HBP1: variants seen among roughly 807,000 people sequenced by gnomAD.
HBP1 encodes HMG box-containing protein 1.
A neutral mutation model predicts 62.6 loss-of-function variants in HBP1; 20 were observed. That is an observed-to-expected ratio of 0.32 (90% CI 0.22 to 0.46). HBP1 has a LOEUF of 0.46. HBP1 is among the 20% of genes least tolerant of loss of function. The pLI is 1.00. For missense variants in HBP1, 480 were observed against 611.8 expected (o/e 0.78, Z 2.27); for synonymous variants, 232 against 206.2 (o/e 1.12, Z -1.07).
chr7:107,180,145 G>A (rs1797043669), intron 2 of HBP1, 83 bp downstream of exon 2: 2 of 766,132 alleles, frequency 2.6e-6, no homozygotes, highest in Non-Finnish European at 4.3e-6. Flanking sequence ...CACCAACCTT[G>A]ACTGGCTAGA....
intron 10 of HBP1, chr7:107,200,656 A>C (rs567378181): frequency 6.2e-6 from 1 of 161,366 alleles, no homozygotes; most frequent in Admixed American, 6.4e-5. Context: ...TAATTTTGGG[A>C]TTGTCTCAAC....
chr7:107,187,564 A>G (rs1260694031), intron 6 of HBP1, among the ~76,000 whole-genome samples: 1 of 152,120 alleles, frequency 6.6e-6, no homozygotes, highest in Admixed American at 6.5e-5. Context: ...TGATCCTGCT[A>G]TGTCTCACTA....
At chr7:107,195,169 G>A (rs1337496883) in intron 8 of HBP1, among the ~76,000 whole-genome samples, 1 of 152,180 alleles carries the variant, frequency 6.6e-6, no homozygotes, top group Non-Finnish European at 1.5e-5. Flanking sequence ...TTACAGGCAT[G>A]TGCTGCCACG....
At chr7:107,171,248 T>G (rs969467696) in intron 1 of HBP1, among the ~76,000 whole-genome samples, 11 of 150,882 alleles carry the variant, frequency 7.3e-5, no homozygotes, top group Non-Finnish European at 1.3e-4. Flanking sequence ...TTTTTTGTAT[T>G]TTTAATAGAA....
chr7:107,174,636 CAG>C (rs1445667360), intron 1 of HBP1: 5 of 985,066 alleles, frequency 5.1e-6, no homozygotes, highest in Non-Finnish European at 6.0e-6. Flanking sequence ...GAAGACAAGA[CAG>C]ACTGCAGCTG....
chr7:107,181,117 G>A (rs1797082251), intron 2 of HBP1, among the ~76,000 whole-genome samples: 1 of 152,128 alleles, frequency 6.6e-6, no homozygotes, highest in Admixed American at 6.5e-5. Context: ...AGAACTCCTT[G>A]GCTCCTTCAT....
rs1451840042 is a variant in HBP1, at chr7:107,171,060, TATATA to T, written c.-16+1876_-16+1880del. Among the ~76,000 whole-genome samples the T allele has an allele frequency of 1.2e-4, 8 of 65,864 alleles. 1 individual carries two copies. The highest frequency in any genetic ancestry group is 1.1e-3 in the African/African-American group (7 of 6,552). 43.2% of individuals were successfully genotyped at this position (65,864 alleles called of 152,430 possible). On this transcript the variant is annotated intron_variant, in intron 1 of 10. Coordinates refer to ENST00000222574, the MANE Select transcript of HBP1 (RefSeq NM_012257.4). ...ATACATGTATAAATATATATATATA[TATATA>T]TATATATATTTTTTTTTTTTTTTGA... is the stretch of plus-strand genomic sequence containing the variant.
chr7:107,183,584 C>A (rs1401907426), intron 3 of HBP1, among the ~76,000 whole-genome samples: 1 of 151,440 alleles, frequency 6.6e-6, no homozygotes, highest in Non-Finnish European at 1.5e-5. Context: ...TCTTAATAGT[C>A]AAAAAGCTAA....
At chr7:107,183,401 T>G (rs1208264455) in intron 3 of HBP1, among the ~76,000 whole-genome samples, 1 of 152,216 alleles carries the variant, frequency 6.6e-6, no homozygotes, top group Non-Finnish European at 1.5e-5. Flanking sequence ...AAATCTCACT[T>G]TTCTTGTAAC....
At chr7:107,179,450 A>C (rs527791329) in intron 1 of HBP1, among the ~76,000 whole-genome samples, 3 of 152,202 alleles carry the variant, frequency 2.0e-5, no homozygotes, top group Admixed American at 2.0e-4. Flanking sequence ...TGAGGGAGCT[A>C]TAAATGGCAG....
At chr7:107,195,688 G>A (rs1797864589) in intron 8 of HBP1, 146 bp from the exon 9 acceptor site, 2 of 423,480 alleles carry the variant, frequency 4.7e-6, no homozygotes, top group Non-Finnish European at 8.2e-6. Context: ...AGTGGCAAAA[G>A]TTGTTAGTGT....
Position 107,190,167 on chromosome 7 carries a change from CTT to C in HBP1, c.923-4_923-3del, listed in dbSNP as rs1412676908. Reference sequence around the variant, plus strand: ...TCATCCTTTATGCAACATTGTTTAACTTTAGGTTGGTCATCATTTTATCCAAG... The same window carrying C: ...TCATCCTTTATGCAACATTGTTTAACTAGGTTGGTCATCATTTTATCCAAG... On this transcript the variant is annotated splice_region_variant and splice_polypyrimidine_tract_variant and intron_variant, in intron 7 of 10. Coordinates refer to ENST00000222574, the MANE Select transcript of HBP1 (RefSeq NM_012257.4). 1.2e-6 allele frequency: 2 copies of C among 1,601,306 alleles called. No homozygotes were observed. Among genetic ancestry groups the C allele is most frequent in the Admixed American group, 1.7e-5 (1 of 58,208 alleles).
intron 1 of HBP1, among the ~76,000 whole-genome samples, chr7:107,171,064 TA>T (rs1241879385): frequency 0.12 from 8,477 of 69,100 alleles, 1,383 homozygotes; most frequent in Admixed American, 0.14. Flanking sequence ...TATATATATA[TA>T]TATATATATT....
At chr7:107,181,538 C>T (rs1797107968) in intron 2 of HBP1, among the ~76,000 whole-genome samples, 1 of 151,362 alleles carries the variant, frequency 6.6e-6, no homozygotes, top group Admixed American at 6.6e-5. Context: ...GGAATATTTG[C>T]CTGAATAGGA....
chr7:107,180,204 T>G (rs776679916), intron 2 of HBP1, 142 bp downstream of exon 2: 16 of 503,332 alleles, frequency 3.2e-5, no homozygotes, highest in Non-Finnish European at 5.3e-5. Context: ...ATTCTTTTAT[T>G]GCTTTTAAAA....
intron 9 of HBP1, 114 bp from the exon 10 acceptor site, chr7:107,200,046 A>T: frequency 1.3e-6 from 1 of 793,408 alleles, no homozygotes; most frequent in Non-Finnish European, 1.9e-6. Flanking sequence ...TCTCTGTGAT[A>T]GACAAGATTT....
Position 107,171,073 on chromosome 7 carries a change from A to ATATATATATAT in HBP1, c.-16+1889_-16+1890insATATATATATT. Among the ~76,000 whole-genome samples the ATATATATATAT allele has an allele frequency of 5.5e-4, 48 of 87,200 alleles. 3 individuals are homozygous for ATATATATATAT. The highest frequency in any genetic ancestry group is 3.0e-3 in the African/African-American group (45 of 15,124). The allele number at this position is 87,200 out of a possible 152,430, so 57.2% of individuals were successfully genotyped here. ...TATATATATATATATATATATATAT[A>ATATATATATAT]TTTTTTTTTTTTTTTGAGAGGGAGT... is the stretch of plus-strand genomic sequence containing the variant. On this transcript the variant is annotated intron_variant, in intron 1 of 10. Transcript: ENST00000222574.
At chr7:107,170,169 A>G in intron 1 of HBP1, 1 of 979,214 alleles carries the variant, frequency 1.0e-6, no homozygotes, top group Non-Finnish European at 1.2e-6. Flanking sequence ...TTTTTGGCTC[A>G]TGGTGCCACT....
chr7:107,185,992 A>G (rs1797341609), intron 4 of HBP1, 50 bp downstream of exon 4: 1 of 1,402,600 alleles, frequency 7.1e-7, no homozygotes, highest in Non-Finnish European at 1.0e-6. Context: ...ACAACAGTTG[A>G]AGTACATTAA....
Sources: allele counts gnomAD v4.1 joint callset (sites outside exome capture counted in the v4.1 genomes callset), GRCh38; gene constraint gnomAD v4.1.1; transcripts MANE v1.5; gene names NCBI Gene and HGNC (gene_info 2026-07-23, HGNC 2026-07-21).